The following COLEC11 variants were observed in gnomAD, a reference collection of about 807,000 sequenced individuals.
The protein encoded by COLEC11 is collectin-11.
Under a neutral mutation model 27.3 loss-of-function variants are expected in COLEC11, and 20 were observed. The ratio of observed to expected loss-of-function variants is 0.73; its 90% CI spans 0.51 to 1.06. COLEC11 has a LOEUF of 1.06. Ranked by LOEUF, COLEC11 falls within the 50% of genes least tolerant of loss-of-function variation. COLEC11 has a pLI of 0.00. For missense variants in COLEC11, 310 were observed against 383.0 expected, an observed-to-expected ratio of 0.81 and a Z score of 1.59; for synonymous variants, 163 against 154.7, an observed-to-expected ratio of 1.05 and a Z score of -0.40.
At chr2:3,603,540 C>A in intron 1 of COLEC11, 1 of 1,036,864 alleles carries the variant, frequency 9.6e-7, no homozygotes, top group Non-Finnish European at 1.5e-6. Context: ...TGGTCTCGAA[C>A]TCCCGACTTT....
chr2:3,629,762 C>T (rs150194686), intron 3 of COLEC11, among the ~76,000 whole-genome samples: 2 of 152,168 alleles, frequency 1.3e-5, no homozygotes, highest in East Asian at 3.9e-4. Flanking sequence ...AAAGCCAGGC[C>T]ACGGGTCCAG....
At chr2:3,633,602 C>T (rs532808623) in intron 3 of COLEC11, among the ~76,000 whole-genome samples, 3 of 152,194 alleles carry the variant, frequency 2.0e-5, no homozygotes, top group South Asian at 4.2e-4. Context: ...GACCTCCTCG[C>T]GAGGGGACAG....
At chr2:3,619,606 A>C (rs1042236219) in intron 3 of COLEC11, among the ~76,000 whole-genome samples, 3 of 152,146 alleles carry the variant, frequency 2.0e-5, no homozygotes, top group African/African-American at 7.2e-5. Context: ...CCCAGGCATA[A>C]ATTTTGCTTG....
chr2:3,609,743 T>C (rs1168366416), intron 2 of COLEC11, among the ~76,000 whole-genome samples: 5 of 152,326 alleles, frequency 3.3e-5, no homozygotes, highest in Middle Eastern at 6.8e-3. Flanking sequence ...TTGACCAGGC[T>C]GGTCTCAAAC....
At chr2:3,604,217 C>A in intron 1 of COLEC11, 98 bp from the exon 2 acceptor site, 1 of 1,364,306 alleles carries the variant, frequency 7.3e-7, no homozygotes, top group Non-Finnish European at 1.0e-6. Flanking sequence ...CTTCCAGGCA[C>A]CAGGAGGGCT....
At chr2:3,621,476 A>AT (rs1664185656) in intron 3 of COLEC11, among the ~76,000 whole-genome samples, 1 of 152,010 alleles carries the variant, frequency 6.6e-6, no homozygotes, top group Non-Finnish European at 1.5e-5. Flanking sequence ...CTTTTTATTT[A>AT]TTTATTTTTA....
At chr2:3,622,962 C>T (rs1184422715) in intron 3 of COLEC11, among the ~76,000 whole-genome samples, 2 of 152,144 alleles carry the variant, frequency 1.3e-5, no homozygotes, top group East Asian at 1.9e-4. Flanking sequence ...CTTTCCTTTA[C>T]ATTTCTTGTA....
chr2:3,627,086 A>T (rs925014541), intron 3 of COLEC11, among the ~76,000 whole-genome samples: 2 of 152,054 alleles, frequency 1.3e-5, no homozygotes, highest in Non-Finnish European at 2.9e-5. Context: ...TTCCCTGATG[A>T]CCGGTCACGA....
intron 2 of COLEC11, among the ~76,000 whole-genome samples, chr2:3,611,896 T>A (rs1663224211): frequency 1.4e-5 from 2 of 147,774 alleles, no homozygotes; most frequent in South Asian, 4.2e-4. Context: ...CGGCAAGCCG[T>A]CCAGGTGCCG....
intron 2 of COLEC11, among the ~76,000 whole-genome samples, chr2:3,608,677 CAA>C (rs1321939973): frequency 3.9e-5 from 6 of 152,074 alleles, no homozygotes; most frequent in African/African-American, 1.4e-4. Flanking sequence ...AAAACAAAAA[CAA>C]AACAAAACAA....
At chr2:3,623,725 G>C (rs1262386657) in intron 3 of COLEC11, among the ~76,000 whole-genome samples, 1 of 151,928 alleles carries the variant, frequency 6.6e-6, no homozygotes, top group African/African-American at 2.4e-5. Flanking sequence ...ATTTTGTTGA[G>C]TTGTGTGTCT....
chr2:3,598,245 A>G (rs1203232225), intron 1 of COLEC11, among the ~76,000 whole-genome samples: 1 of 152,174 alleles, frequency 6.6e-6, no homozygotes, highest in Non-Finnish European at 1.5e-5. Context: ...CCATTTCAAC[A>G]TTATTAGGAA....
intron 2 of COLEC11, among the ~76,000 whole-genome samples, chr2:3,606,969 G>A (rs1047823998): frequency 1.1e-4 from 17 of 152,224 alleles, no homozygotes; most frequent in Non-Finnish European, 1.9e-4. Context: ...CACCAGGCAG[G>A]CTCAGGGCTG....
At chr2:3,615,919 G>A (rs1459177835) in intron 3 of COLEC11, among the ~76,000 whole-genome samples, 11 of 110,492 alleles carry the variant, frequency 1.0e-4, no homozygotes, top group Non-Finnish European at 1.5e-4. Context: ...CCTCCCTCCC[G>A]GACGGGGGGG....
Position 3,604,427 on chromosome 2 carries a change from C to T in COLEC11, c.87C>T (p.Gly29=), listed in dbSNP as rs1375035657. Residue 29 remains glycine (G), a synonymous_variant, in exon 2 of 7, where the codon GGC becomes GGT. Transcript: ENST00000349077. ...CATCTGGACATCCTCAGCCGGCTGG[C>T]GATGACGCCTGCTCTGTGCAGATCC... ...LLPSGHPQPA[G]DDACSVQILV... The T allele has an allele frequency of 2.5e-6, 4 of 1,614,198 alleles. No homozygotes were observed. Among genetic ancestry groups the T allele is most frequent in the Non-Finnish European group, 3.4e-6 (4 of 1,180,036 alleles).
In COLEC11 at chr2:3,602,710, G is replaced by A. The variant is rs748526998; in HGVS notation, c.-26-1605G>A. Among the ~76,000 whole-genome samples the A allele has an allele frequency of 5.3e-5, 8 of 152,182 alleles. No homozygotes were observed. Among genetic ancestry groups the A allele is most frequent in the Non-Finnish European group, 8.8e-5 (6 of 68,034 alleles). Reference sequence around the variant, plus strand: ...TACAGAGCAACCCCCAAAGCTGCTGGGCGCCGGCTCCTGTCTCCTGTCCTC... The same window carrying A: ...TACAGAGCAACCCCCAAAGCTGCTGAGCGCCGGCTCCTGTCTCCTGTCCTC... On this transcript the variant is annotated intron_variant, in intron 1 of 6. Transcript: ENST00000349077. This position sits in a 1 kb window ranked among gnomAD's most constrained non-coding sequence, Gnocchi z 6.2.
intron 1 of COLEC11, among the ~76,000 whole-genome samples, chr2:3,598,729 G>A (rs916876588): frequency 3.9e-5 from 6 of 152,044 alleles, no homozygotes; most frequent in African/African-American, 7.2e-5. Flanking sequence ...GAGGGGTGTG[G>A]AGAGGAGGCT....
At chr2:3,634,981 C>G (rs1558514778) in intron 3 of COLEC11, among the ~76,000 whole-genome samples, 1 of 151,796 alleles carries the variant, frequency 6.6e-6, no homozygotes, top group Non-Finnish European at 1.5e-5. Context: ...TTGGGTTCCT[C>G]CCCCAGCTCC....
Position 3,640,295 on chromosome 2 carries a change from G to T in COLEC11, c.292G>T (p.Gly98Cys), listed in dbSNP as rs548022927. The T allele has an allele frequency of 6.2e-7, 1 of 1,602,534 alleles. No homozygotes were observed. The highest frequency in any genetic ancestry group is 1.3e-5 in the African/African-American group (1 of 74,758). The change falls in exon 5 of 7, where the codon GGT (glycine) becomes TGT (cysteine). Residue 98 changes from glycine to cysteine, a missense_variant. Physicochemically the swap from Gly to Cys is radical, Grantham distance 159 (BLOSUM62 -3). Transcript: ENST00000349077. Reference sequence around the variant, plus strand: ...ATTTTCAGGTGAGAAAGGAGATTCCGGTGACATAGGACCCCCTGGTCCTAA... The same window carrying T: ...ATTTTCAGGTGAGAAAGGAGATTCCTGTGACATAGGACCCCCTGGTCCTAA... ...IGSKGEKGDSGDIGPPGPNGE... is the reference protein window; with the variant it reads ...IGSKGEKGDSCDIGPPGPNGE...
Sources: gnomAD v4.1 joint callset for allele counts (sites outside exome capture counted in the v4.1 genomes callset) on GRCh38, gnomAD v4.1.1 for gene constraint, Gnocchi (gnomAD v3.1) non-coding constraint, MANE v1.5 for transcripts, NCBI Gene and HGNC (gene_info 2026-07-23, HGNC 2026-07-21) for gene names.